Variants in CDKL5 observed in about 807,000 individuals in gnomAD.
CDKL5 encodes the protein cyclin dependent kinase like 5.
A neutral mutation model predicts 61.7 loss-of-function variants in CDKL5; 8 were observed. That is an observed-to-expected ratio of 0.13 (90% confidence interval 0.08 to 0.23). The LOEUF is 0.23. CDKL5 is among the 10% of genes least tolerant of loss of function. The probability of loss-of-function intolerance (pLI) is 1.00; values close to 1 mark genes in which losing one functional copy is unlikely to be tolerated. For synonymous variants in CDKL5, 275 were observed against 272.3 expected (o/e 1.01, Z -0.10); for missense variants, 440 against 734.5 (o/e 0.60, Z 4.63).
intron 10 of CDKL5, among the ~76,000 whole-genome samples, chrX:18,597,694 T>C (rs1316739127): frequency 9.5e-6 from 1 of 105,467 alleles, no homozygotes; most frequent in Non-Finnish European, 1.9e-5. Context: ...CCTCCCAGGT[T>C]CAGGCAATTC....
At chrX:18,450,912 T>C in intron 1 of CDKL5, among the ~76,000 whole-genome samples, 1 of 109,752 alleles carries the variant, frequency 9.1e-6, no homozygotes, top group Non-Finnish European at 1.9e-5. Context: ...TGAAAACCTT[T>C]TGGTCTTTTA....
At chrX:18,646,065 C>T in exon 20 of CDKL5, 1 of 1,212,065 alleles carries the variant, frequency 8.3e-7, no homozygotes, top group Admixed American at 2.2e-5. Context: ...ATAGACGCTT[C>T]ATGTTAAGGA....
At chrX:18,574,040 G>A (rs1454854492) in intron 4 of CDKL5, among the ~76,000 whole-genome samples, 2 of 110,791 alleles carry the variant, frequency 1.8e-5, no homozygotes, top group African/African-American at 3.3e-5. Context: ...TCTTCTAGAG[G>A]GCATATCAAG....
At chrX:18,535,351 A>G (rs368243058) in intron 3 of CDKL5, 2 of 113,188 alleles carry the variant, frequency 1.8e-5, no homozygotes, top group East Asian at 5.6e-4. Context: ...CCTGACACAC[A>G]TGTTCTACGT....
intron 3 of CDKL5, among the ~76,000 whole-genome samples, chrX:18,557,767 A>G (rs1008277978): frequency 1.8e-5 from 2 of 111,837 alleles, no homozygotes; most frequent in Non-Finnish European, 3.8e-5. Flanking sequence ...GTAAGGCACA[A>G]TTAATACTGG....
intron 1 of CDKL5, among the ~76,000 whole-genome samples, chrX:18,428,609 A>G (rs987296728): frequency 8.9e-6 from 1 of 112,115 alleles, no homozygotes; most frequent in African/African-American, 3.2e-5. Flanking sequence ...ACATGAGGGA[A>G]ATCTTTTAGA....
chrX:18,609,784 T>G (rs1263098993), intron 14 of CDKL5, among the ~76,000 whole-genome samples: 32 of 111,491 alleles, frequency 2.9e-4, no homozygotes, highest in Non-Finnish European at 3.8e-5. Flanking sequence ...ATCTCCAAGG[T>G]ACCCATCAAT....
intron 1 of CDKL5, among the ~76,000 whole-genome samples, chrX:18,466,387 A>AT (rs999947367): frequency 4.5e-5 from 5 of 111,693 alleles, no homozygotes; most frequent in Admixed American, 9.6e-5. Context: ...TTAAAATTTA[A>AT]TTTTTTTTGA....
chrX:18,549,463 G>A (rs186876538), intron 3 of CDKL5, among the ~76,000 whole-genome samples: 1 of 112,142 alleles, frequency 8.9e-6, no homozygotes, highest in Admixed American at 9.4e-5. Flanking sequence ...TTTTTATTCT[G>A]TCAATATTCT....
chrX:18,463,496 A>G (rs993062763), intron 1 of CDKL5, among the ~76,000 whole-genome samples: 2 of 112,193 alleles, frequency 1.8e-5, no homozygotes, highest in Non-Finnish European at 3.8e-5. Flanking sequence ...TCCGTAACAA[A>G]TTTTCTCAGA....
chrX:18,484,328 T>G (rs764997871), intron 1 of CDKL5, among the ~76,000 whole-genome samples: 535 of 108,424 alleles, frequency 4.9e-3, no homozygotes, highest in Non-Finnish European at 7.6e-3. Context: ...TCTTTTTTTT[T>G]GGGGGGGGGA....
In CDKL5 at chrX:18,434,933, G is replaced by A. The variant is rs181585623; in HGVS notation, c.-163+9238G>A. 4.3e-3 allele frequency among the ~76,000 whole-genome samples: 484 copies of A among 111,363 alleles called. 2 individuals carry two copies. The Middle Eastern group carries it at 0.046, about 11-fold the overall frequency. On this transcript the variant is annotated intron_variant, in intron 1 of 17. Transcript: ENST00000623535. ...ACAGAGTGAGACTCTATCTCAAAAA[G>A]GAAGAAAAAGATTTTGTATTATGTT...
chrX:18,650,223 C>A, intron 20 of CDKL5: 1 of 493,498 alleles, frequency 2.0e-6, no homozygotes, highest in Non-Finnish European at 3.6e-6. Flanking sequence ...AGGGCCTGTC[C>A]AGGCAGCAGA....
At position 18,617,192 on chromosome X, in the gene CDKL5, T is replaced by A. The variant is rs1177673572; in HGVS notation, c.2277-2675T>A. ...CCTCTTGGACCCTTATGGAAATAGC[T>A]GTCATGTTAGATAACGTTAGAGTCC... On this transcript the variant is annotated intron_variant, in intron 15 of 17. Transcript: ENST00000623535. Among the ~76,000 whole-genome samples, 3 of 111,988 alleles carry A rather than the reference T, an allele frequency of 2.7e-5. No individual in the cohort carries two copies. The East Asian group carries it at 8.4e-4, about 31-fold the overall frequency.
intron 1 of CDKL5, among the ~76,000 whole-genome samples, chrX:18,474,024 A>T (rs755925960): frequency 2.8e-5 from 3 of 108,024 alleles, no homozygotes; most frequent in Admixed American, 1.0e-4. Context: ...ACGTGCCACC[A>T]CACCAGGGTA....
At position 18,613,181 on chromosome X, in the gene CDKL5, C is replaced by T; in HGVS notation, c.2182C>T (p.His728Tyr). Residue 728 changes from histidine to tyrosine, a missense_variant, in exon 15 of 18, where the codon CAT (histidine) becomes TAT (tyrosine). Physicochemically the swap from His to Tyr is moderately conservative, Grantham distance 83. Coordinates refer to ENST00000623535, the MANE Select transcript of CDKL5 (RefSeq NM_001323289.2). ...ATCTCCACGTCCAGACAATTCTTTC[C>T]ATGAAAATAATGTGTCAACTAGAGT... ...VPSPRPDNSF[H>Y]ENNVSTRVSS... The T allele has an allele frequency of 8.4e-7, 1 of 1,194,558 alleles. No individual in the cohort carries two copies. The highest frequency in any genetic ancestry group is 3.1e-5 in the East Asian group (1 of 32,765).
intron 3 of CDKL5, among the ~76,000 whole-genome samples, chrX:18,528,764 G>A (rs763877645): frequency 9.0e-6 from 1 of 111,529 alleles, no homozygotes; most frequent in Non-Finnish European, 1.9e-5. Context: ...CTTCTGTGTA[G>A]CTGGGACTAC....
rs894949856 is a variant in CDKL5, at chrX:18,635,978, A to G, written c.*7221A>G. On this transcript the variant is annotated 3_prime_UTR_variant, in exon 18 of 18. Coordinates refer to ENST00000623535, the MANE Select transcript of CDKL5 (RefSeq NM_001323289.2). The stretch of plus-strand genomic sequence containing the variant: ...CCCGTAAAACTTTACTTATAGAAAC[A>G]GGCCATAGTTTACTAACCCGTTTTA... 3.6e-5 allele frequency: 4 copies of G among 112,133 alleles called. No individual in the cohort carries two copies. The highest frequency in any genetic ancestry group is 7.5e-5 in the Non-Finnish European group (4 of 53,269). 9.2% of individuals were successfully genotyped at this position (112,133 alleles called of 1,213,427 possible).
intron 3 of CDKL5, among the ~76,000 whole-genome samples, chrX:18,536,511 AT>A (rs1372964397): frequency 2.6e-5 from 2 of 78,393 alleles, no homozygotes; most frequent in African/African-American, 1.1e-4. Flanking sequence ...CAGTGGCGTG[AT>A]TTCCGCTTAC....
Sources: allele counts gnomAD v4.1 joint callset (sites outside exome capture counted in the v4.1 genomes callset), GRCh38; gene constraint gnomAD v4.1.1; transcripts MANE v1.5; gene names NCBI Gene and HGNC (gene_info 2026-07-23, HGNC 2026-07-21).